Variants in RAP1GAP2 observed in about 807,000 individuals in gnomAD.
RAP1GAP2 encodes rap1 GTPase-activating protein 2.
A neutral mutation model predicts 95.0 loss-of-function variants in RAP1GAP2; 27 were observed. That is an observed-to-expected ratio of 0.28 (90% CI 0.21 to 0.39). RAP1GAP2 has a LOEUF of 0.39. RAP1GAP2 is among the 10% of genes least tolerant of loss of function. The probability of loss-of-function intolerance (pLI) is 1.00; values close to 1 mark genes in which losing one functional copy is unlikely to be tolerated. For missense variants in RAP1GAP2, 771 were observed against 970.0 expected, an observed-to-expected ratio of 0.79 and a Z score of 2.72; for synonymous variants, 373 against 380.9, an observed-to-expected ratio of 0.98 and a Z score of 0.24.
intron 2 of RAP1GAP2, among the ~76,000 whole-genome samples, chr17:2,878,679 C>G (rs1385293532): frequency 6.6e-6 from 1 of 152,202 alleles, no homozygotes; most frequent in Non-Finnish European, 1.5e-5. Context: ...GAGGCGGCAG[C>G]CTGTGGGCCC....
chr17:2,853,737 G>C (rs2071992906), intron 2 of RAP1GAP2, among the ~76,000 whole-genome samples: 1 of 144,382 alleles, frequency 6.9e-6, no homozygotes, highest in African/African-American at 2.5e-5. Context: ...GCCGCGCCCC[G>C]AGCGAGCCTC....
intron 2 of RAP1GAP2, among the ~76,000 whole-genome samples, chr17:2,820,423 C>A (rs1308780950): frequency 6.6e-6 from 1 of 152,046 alleles, no homozygotes; most frequent in African/African-American, 2.4e-5. Context: ...GAGCTCGAGA[C>A]CAGCCTGGCC....
intron 2 of RAP1GAP2, among the ~76,000 whole-genome samples, chr17:2,831,458 G>A (rs1206085692): frequency 6.6e-6 from 1 of 151,854 alleles, no homozygotes; most frequent in Non-Finnish European, 1.5e-5. Context: ...GAGAATTCCT[G>A]TCTGACCACT....
chr17:2,842,501 G>T (rs1051263282), intron 2 of RAP1GAP2, among the ~76,000 whole-genome samples: 2 of 136,988 alleles, frequency 1.5e-5, no homozygotes, highest in South Asian at 4.5e-4. Flanking sequence ...CTGCACTCCA[G>T]CCTGGGTGAC....
At position 3,037,123 on chromosome 17, in the gene RAP1GAP2, C is replaced by T. The variant is rs367916666; in HGVS notation, c.*3762C>T. The T allele has an allele frequency of 7.9e-5, 12 of 152,630 alleles. 1 individual carries two copies. The highest frequency in any genetic ancestry group is 1.9e-4 in the East Asian group (1 of 5,138). The allele number at this position is 152,630 out of a possible 1,614,324, so 9.5% of individuals were successfully genotyped here. A position where few individuals can be genotyped will look rare whatever the true frequency, so the allele number is the denominator to read the frequency against. ...TACCAAACTCTGTTTTACCGCCAGC[C>T]CCTTGTACACCCCAATCCCATGTCT... On this transcript the variant is annotated 3_prime_UTR_variant, in exon 25 of 25. Coordinates refer to ENST00000254695, the MANE Select transcript of RAP1GAP2 (RefSeq NM_015085.5).
rs928017339 is a variant in RAP1GAP2 at position 2,781,668 on chromosome 17, G to A, written c.-14+4390G>A. On this transcript the variant is annotated intron_variant, in intron 1 of 24. Coordinates refer to the RAP1GAP2 transcript ENST00000540393. ...TCTGTGTGTGCAGGTCTCTGTGTGG[G>A]CACGTCTCTGTGTGTGCAGGTCTCT... Among the ~76,000 whole-genome samples, 6 of 149,414 alleles carry A rather than the reference G, an allele frequency of 4.0e-5. 1 individual carries two copies. The highest frequency in any genetic ancestry group is 4.0e-4 in the Admixed American group (6 of 15,026).
At chr17:2,899,405 G>A (rs2041950706) in intron 2 of RAP1GAP2, among the ~76,000 whole-genome samples, 1 of 152,004 alleles carries the variant, frequency 6.6e-6, no homozygotes, top group African/African-American at 2.4e-5. Flanking sequence ...TAGAGACGGG[G>A]TTTCACCATG....
intron 3 of RAP1GAP2, among the ~76,000 whole-genome samples, chr17:2,926,668 T>C (rs2042964925): frequency 6.6e-6 from 1 of 152,114 alleles, no homozygotes; most frequent in Non-Finnish European, 1.5e-5. Context: ...CTTACAGTTC[T>C]GAGGTTAGAA....
chr17:2,768,707 AAAAG>A (rs1295482431), intron 1 of RAP1GAP2, among the ~76,000 whole-genome samples: 2 of 151,558 alleles, frequency 1.3e-5, no homozygotes, highest in Admixed American at 6.6e-5. Flanking sequence ...AAAAAAAAAA[AAAAG>A]AGTTGAATTA....
At chr17:2,925,959 C>A (rs79124588) in intron 3 of RAP1GAP2, among the ~76,000 whole-genome samples, 4 of 151,778 alleles carry the variant, frequency 2.6e-5, no homozygotes, top group African/African-American at 9.7e-5. Flanking sequence ...GCCAACATGG[C>A]GAAAGCCCTG....
chr17:2,838,485 T>TTGGGATGGTGACCTGTAC (rs924380694), intron 2 of RAP1GAP2, among the ~76,000 whole-genome samples: 3 of 151,752 alleles, frequency 2.0e-5, no homozygotes, highest in Non-Finnish European at 4.4e-5. Flanking sequence ...CTTTGGAGAG[T>TTGGGATGGTGACCTGTAC]TGGGATGGTG....
chr17:2,959,661 C>T (rs1259897040), intron 4 of RAP1GAP2, among the ~76,000 whole-genome samples: 3 of 152,176 alleles, frequency 2.0e-5, no homozygotes, highest in East Asian at 3.9e-4. Flanking sequence ...CCGGGATTCC[C>T]GATACCTAGC....
chr17:2,928,712 C>T (rs1238529551), intron 3 of RAP1GAP2, among the ~76,000 whole-genome samples: 3 of 152,052 alleles, frequency 2.0e-5, no homozygotes, highest in Non-Finnish European at 2.9e-5. Context: ...TCCAGCCCAC[C>T]GATAATCTCT....
intron 2 of RAP1GAP2, among the ~76,000 whole-genome samples, chr17:2,897,467 G>A (rs1380780989): frequency 6.6e-6 from 1 of 151,948 alleles, no homozygotes; most frequent in Non-Finnish European, 1.5e-5. Context: ...CTGGAATGCA[G>A]TGGCACGATC....
chr17:2,955,962 C>T (rs1457382859), intron 3 of RAP1GAP2, among the ~76,000 whole-genome samples: 1 of 152,172 alleles, frequency 6.6e-6, no homozygotes, highest in African/African-American at 2.4e-5. Flanking sequence ...GTGCACATTG[C>T]AAGTGTGTTA....
chr17:3,027,024 C>T lies in RAP1GAP2; in HGVS notation c.2061C>T (p.Ser687=), dbSNP rs756053803. The T allele has an allele frequency of 3.2e-6, 5 of 1,573,154 alleles. No homozygotes were observed. The highest frequency in any genetic ancestry group is 1.8e-5 in the Admixed American group (1 of 54,118). The change falls in exon 22 of 25, where the codon AGC becomes AGT. Residue 687 remains serine, a synonymous_variant. Transcript: ENST00000254695. This position sits in a 1 kb window ranked among gnomAD's most constrained non-coding sequence, Gnocchi z 5.2. ...YSPSPSSESP[S]LGAAATPIIM... is the part of the protein sequence containing the mutation. ...CGTCCCCGAGCAGCGAGAGCCCCAG[C>T]CTGGGGGCAGCTGCCACCCCGATCA...
chr17:2,886,172 T>TATATA (rs528532502), intron 2 of RAP1GAP2, among the ~76,000 whole-genome samples: 24 of 82,218 alleles, frequency 2.9e-4, no homozygotes, highest in African/African-American at 8.0e-4. Flanking sequence ...TATATATATA[T>TATATA]TTTTTTTTTT....
chr17:2,976,170 G>A (rs1005423275), intron 8 of RAP1GAP2, among the ~76,000 whole-genome samples: 2 of 152,146 alleles, frequency 1.3e-5, no homozygotes, highest in East Asian at 3.9e-4. Flanking sequence ...AGAACCCGGT[G>A]GATTGAGCAG....
At chr17:2,850,234 T>G (rs2071777729) in intron 2 of RAP1GAP2, among the ~76,000 whole-genome samples, 1 of 150,444 alleles carries the variant, frequency 6.6e-6, no homozygotes, top group African/African-American at 2.4e-5. Context: ...TCTCCTGACC[T>G]CATGATCCGC....
Sources: allele counts gnomAD v4.1 joint callset (sites outside exome capture counted in the v4.1 genomes callset), GRCh38; gene constraint gnomAD v4.1.1; non-coding constraint Gnocchi (gnomAD v3.1); transcripts MANE v1.5; gene names NCBI Gene and HGNC (gene_info 2026-07-23, HGNC 2026-07-21).